Variants in FUCA2 observed in about 807,000 individuals in gnomAD.
The protein encoded by FUCA2 is plasma alpha-L-fucosidase.
A neutral mutation model predicts 52.6 loss-of-function variants in FUCA2; 41 were observed. The observed-to-expected ratio is 0.78, with a 90% CI of 0.61 to 1.01. The LOEUF (loss-of-function observed/expected upper bound fraction) is 1.01, where lower values mean the gene tolerates loss of function less well. Among genes scored for constraint, FUCA2 ranks in the 50% least tolerant of loss-of-function variants. FUCA2 has a pLI of 0.00. For synonymous variants in FUCA2, 211 were observed against 217.3 expected, an observed-to-expected ratio of 0.97 and a Z score of 0.26; for missense variants, 507 against 569.5, an observed-to-expected ratio of 0.89 and a Z score of 1.12.
rs569282706 is a variant in FUCA2 at position 143,499,153 on chromosome 6, G to A, written c.1155-1656C>T. 6.6e-6 allele frequency among the ~76,000 whole-genome samples: 1 copy of A among 152,314 alleles called. No homozygotes were observed. The highest frequency in any genetic ancestry group is 1.9e-4 in the East Asian group (1 of 5,188). Reference sequence around the variant, plus strand: ...TGCTATGCATCTAAGTGGAAATGCTGAGTAGGAAGTTATTGAGGCTGGAGT... The same window carrying A: ...TGCTATGCATCTAAGTGGAAATGCTAAGTAGGAAGTTATTGAGGCTGGAGT... On this transcript the variant is annotated intron_variant, in intron 5 of 6. Coordinates refer to ENST00000002165, the MANE Select transcript of FUCA2 (RefSeq NM_032020.5). This position sits in a 1 kb window ranked among gnomAD's most constrained non-coding sequence, Gnocchi z 6.0.
rs1584023811 is a variant in FUCA2, at chr6:143,495,630, C to T, written c.*77G>A. 2.2e-6 allele frequency: 3 copies of T among 1,394,132 alleles called. No homozygotes were observed. In the East Asian group the frequency reaches 7.1e-5, roughly 33 times the overall value. The allele number at this position is 1,394,132 out of a possible 1,614,324, so 86.4% of individuals were successfully genotyped here. ...TTATCCAGTTTTACATTTGCTTTCT[C>T]CATGTGCTACAATTATAGACACCTG... On this transcript the variant is annotated 3_prime_UTR_variant, in exon 7 of 7. Transcript: ENST00000002165. The surrounding 1 kb of genome is among the most constrained non-coding windows in gnomAD (Gnocchi z 5.2).
At position 143,502,879 on chromosome 6, in the gene FUCA2, G is replaced by C. The variant is rs149110530; in HGVS notation, c.753-314C>G. 1.7e-3 allele frequency: 365 copies of C among 212,592 alleles called. 8 individuals carry two copies. The East Asian group carries it at 0.035, about 20-fold the overall frequency. The allele number at this position is 212,592 out of a possible 1,614,324, so 13.2% of individuals were successfully genotyped here. The stretch of plus-strand genomic sequence containing the variant: ...CCCAGCACATATAGCACTCATAAGA[G>C]TATTATATGAATATTTTAAGCTCCC... On this transcript the variant is annotated intron_variant, in intron 3 of 6. Transcript: ENST00000002165. The surrounding 1 kb of genome is among the most constrained non-coding windows in gnomAD (Gnocchi z 4.1).
At chr6:143,496,929 T>A (rs1490699959) in intron 6 of FUCA2, 1 of 152,698 alleles carries the variant, frequency 6.5e-6, no homozygotes, top group Non-Finnish European at 1.5e-5. Flanking sequence ...AAACAAAAAG[T>A]TTCAAAGATT....
chr6:143,505,888 G>A (rs889316850), intron 2 of FUCA2: 81 of 152,170 alleles, frequency 5.3e-4, no homozygotes, highest in African/African-American at 1.8e-3. Context: ...ATGTATACAT[G>A]TGGGCTACAT....
intron 2 of FUCA2, chr6:143,505,048 G>A (rs568453606): frequency 5.9e-5 from 9 of 152,132 alleles, no homozygotes; most frequent in Middle Eastern, 3.4e-3. Flanking sequence ...GAAGTGGTTC[G>A]TTTTTAAGAG....
Position 143,499,193 on chromosome 6 carries a change from G to A in FUCA2, c.1155-1696C>T, listed in dbSNP as rs1584025676. 6.6e-6 allele frequency among the ~76,000 whole-genome samples: 1 copy of A among 152,188 alleles called. No individual in the cohort carries two copies. Among genetic ancestry groups the A allele is most frequent in the African/African-American group, 2.4e-5 (1 of 41,438 alleles). On this transcript the variant is annotated intron_variant, in intron 5 of 6. Coordinates refer to ENST00000002165, the MANE Select transcript of FUCA2 (RefSeq NM_032020.5). This position sits in a 1 kb window ranked among gnomAD's most constrained non-coding sequence, Gnocchi z 6.0. ...GAGGCTGGAGTTCGGAAAGAGGTCT[G>A]CACTGGAAATAGAAATGTGGAGATC...
In FUCA2 at chr6:143,502,591, A is replaced by G. The variant is rs756946564; in HGVS notation, c.753-26T>C. 6.3e-7 allele frequency: 1 copy of G among 1,578,412 alleles called. No individual in the cohort carries two copies. Among genetic ancestry groups the G allele is most frequent in the South Asian group, 1.1e-5 (1 of 87,394 alleles). On this transcript the variant is annotated intron_variant, in intron 3 of 6. Transcript: ENST00000002165. This position sits in a 1 kb window ranked among gnomAD's most constrained non-coding sequence, Gnocchi z 4.1. ...CTGAAATGAAACATACAATTTTTTAAAACAAAAGGTATAAGCTTTTTATAC... is the reference window on the plus strand; with the variant it reads ...CTGAAATGAAACATACAATTTTTTAGAACAAAAGGTATAAGCTTTTTATAC...
chr6:143,511,151 A>G lies in FUCA2; in HGVS notation c.224+260T>C, dbSNP rs1476330879. ...CTACAGCTTAATATGCGCAACTATGAAGAAGCTGAGGAGTCAGGAGTATCT... is the reference window on the plus strand; with the variant it reads ...CTACAGCTTAATATGCGCAACTATGGAGAAGCTGAGGAGTCAGGAGTATCT... On this transcript the variant is annotated intron_variant, in intron 1 of 6. Coordinates refer to ENST00000002165, the MANE Select transcript of FUCA2 (RefSeq NM_032020.5). The surrounding 1 kb of genome is among the most constrained non-coding windows in gnomAD (Gnocchi z 6.3). Among the ~76,000 whole-genome samples, 22 of 152,202 alleles carry G rather than the reference A, an allele frequency of 1.4e-4. No homozygotes were observed. The highest frequency in any genetic ancestry group is 1.4e-3 in the Admixed American group (21 of 15,286).
chr6:143,504,408 A>G lies in FUCA2; in HGVS notation c.413-156T>C. On this transcript the variant is annotated intron_variant, in intron 2 of 6. Coordinates refer to ENST00000002165, the MANE Select transcript of FUCA2 (RefSeq NM_032020.5). The surrounding 1 kb of genome is among the most constrained non-coding windows in gnomAD (Gnocchi z 4.4). ...TTATGGCCATTTTTTCATAGCATATATTGTGCTTTTATATGAGAAGTGAGA... is the reference window on the plus strand; with the variant it reads ...TTATGGCCATTTTTTCATAGCATATGTTGTGCTTTTATATGAGAAGTGAGA... 7.6e-6 allele frequency: 5 copies of G among 661,812 alleles called. No individual in the cohort carries two copies. Among genetic ancestry groups the G allele is most frequent in the Non-Finnish European group, 1.0e-5 (4 of 396,140 alleles). 41.0% of individuals were successfully genotyped at this position (661,812 alleles called of 1,614,324 possible).
chr6:143,510,656 A>C lies in FUCA2; in HGVS notation c.224+755T>G, dbSNP rs1780670559. 6.6e-6 allele frequency among the ~76,000 whole-genome samples: 1 copy of C among 151,674 alleles called. No individual in the cohort carries two copies. Among genetic ancestry groups the C allele is most frequent in the Non-Finnish European group, 1.5e-5 (1 of 67,958 alleles). ...TATGTCTCAAAAAAAAAAAAAAAAG[A>C]ATATATTATGTGTATGTTTCTATAT... On this transcript the variant is annotated intron_variant, in intron 1 of 6. Coordinates refer to ENST00000002165, the MANE Select transcript of FUCA2 (RefSeq NM_032020.5). The surrounding 1 kb of genome is among the most constrained non-coding windows in gnomAD (Gnocchi z 4.4).
Position 143,502,256 on chromosome 6 carries a change from T to G in FUCA2, c.963+99A>C. 3.7e-6 allele frequency: 5 copies of G among 1,347,608 alleles called. No homozygotes were observed. Among genetic ancestry groups the G allele is most frequent in the African/African-American group, 1.5e-5 (1 of 68,780 alleles). 83.5% of individuals were successfully genotyped at this position (1,347,608 alleles called of 1,614,324 possible). ...AGAACAAACACAGGATAGAACAATG[T>G]CCTATATTTATAGGCCATTGAGCCA... On this transcript the variant is annotated intron_variant, in intron 4 of 6. Transcript: ENST00000002165. This position sits in a 1 kb window ranked among gnomAD's most constrained non-coding sequence, Gnocchi z 4.1.
rs1009690758 is a variant in FUCA2 at position 143,495,957 on chromosome 6, T to C, written c.1264-110A>G. The C allele has an allele frequency of 4.6e-6, 5 of 1,077,788 alleles. No homozygotes were observed. The highest frequency in any genetic ancestry group is 5.4e-6 in the Non-Finnish European group (4 of 740,030). 66.8% of individuals were successfully genotyped at this position (1,077,788 alleles called of 1,614,324 possible). ...TTCAAACAAAATTGTAGACAAGAGG[T>C]TCATTTTTACCTTTATTTAGTGATT... On this transcript the variant is annotated intron_variant, in intron 6 of 6. Transcript: ENST00000002165. This position sits in a 1 kb window ranked among gnomAD's most constrained non-coding sequence, Gnocchi z 5.2.
At position 143,495,991 on chromosome 6, in the gene FUCA2, C is replaced by G. The variant is rs980808178; in HGVS notation, c.1264-144G>C. 5.3e-6 allele frequency: 4 copies of G among 751,160 alleles called. No homozygotes were observed. The highest frequency in any genetic ancestry group is 8.6e-6 in the Non-Finnish European group (4 of 465,418). The allele number at this position is 751,160 out of a possible 1,614,324, so 46.5% of individuals were successfully genotyped here. On this transcript the variant is annotated intron_variant, in intron 6 of 6. Transcript: ENST00000002165. This position sits in a 1 kb window ranked among gnomAD's most constrained non-coding sequence, Gnocchi z 5.2. ...ACCTTTATTTAGTGATTCACAATCA[C>G]TCTTCATCCAATTGAGTGTATGTAT... is the stretch of plus-strand genomic sequence containing the variant.
chr6:143,497,807 A>G lies in FUCA2; in HGVS notation c.1155-310T>C, dbSNP rs1257046190. Reference sequence around the variant, plus strand: ...GGATGCAAGAGCTTCATGGCTTTTCATGTATTATTCAAATTTTTATATTCA... The same window carrying G: ...GGATGCAAGAGCTTCATGGCTTTTCGTGTATTATTCAAATTTTTATATTCA... On this transcript the variant is annotated intron_variant, in intron 5 of 6. Transcript: ENST00000002165. The surrounding 1 kb of genome is among the most constrained non-coding windows in gnomAD (Gnocchi z 5.3). Among the ~76,000 whole-genome samples the G allele has an allele frequency of 2.0e-5, 3 of 152,204 alleles. No individual in the cohort carries two copies. Among genetic ancestry groups the G allele is most frequent in the African/African-American group, 7.2e-5 (3 of 41,440 alleles).
At position 143,511,097 on chromosome 6, in the gene FUCA2, T is replaced by C. The variant is rs1780676144; in HGVS notation, c.224+314A>G. Among the ~76,000 whole-genome samples, 1 of 152,196 alleles carries C rather than the reference T, an allele frequency of 6.6e-6. No individual in the cohort carries two copies. The highest frequency in any genetic ancestry group is 2.1e-4 in the South Asian group (1 of 4,828). On this transcript the variant is annotated intron_variant, in intron 1 of 6. Transcript: ENST00000002165. The surrounding 1 kb of genome is among the most constrained non-coding windows in gnomAD (Gnocchi z 6.3). ...GCCCCTGCACAAACTGATGAATGTC[T>C]GTAGTAGCTCGATGTTGTAGTGTCA...
In FUCA2 at chr6:143,504,346, T is replaced by A. The variant is rs9496648; in HGVS notation, c.413-94A>T. The A allele has an allele frequency of 2.0e-6, 2 of 1,016,516 alleles. No individual in the cohort carries two copies. Among genetic ancestry groups the A allele is most frequent in the African/African-American group, 3.2e-5 (2 of 62,100 alleles). 63.0% of individuals were successfully genotyped at this position (1,016,516 alleles called of 1,614,324 possible). A position where few individuals can be genotyped will look rare whatever the true frequency, so the allele number is the denominator to read the frequency against. ...ATGCCCAAACAAATCACATAGTACA[T>A]GCGATATATAAATACCTGCTCCTAC... On this transcript the variant is annotated intron_variant, in intron 2 of 6. Coordinates refer to ENST00000002165, the MANE Select transcript of FUCA2 (RefSeq NM_032020.5). This position sits in a 1 kb window ranked among gnomAD's most constrained non-coding sequence, Gnocchi z 4.4.
At position 143,502,636 on chromosome 6, in the gene FUCA2, A is replaced by G; in HGVS notation, c.753-71T>C. ...TTATACAAAAAGAAATGTCACTGAA[A>G]AGACATGTAATTGAAATACAATTCT... is the stretch of plus-strand genomic sequence containing the variant. On this transcript the variant is annotated intron_variant, in intron 3 of 6. Transcript: ENST00000002165. The surrounding 1 kb of genome is among the most constrained non-coding windows in gnomAD (Gnocchi z 4.1). The G allele has an allele frequency of 1.6e-6, 2 of 1,271,516 alleles. No homozygotes were observed. The highest frequency in any genetic ancestry group is 2.2e-6 in the Non-Finnish European group (2 of 899,620). 78.8% of individuals were successfully genotyped at this position (1,271,516 alleles called of 1,614,324 possible).
At position 143,504,486 on chromosome 6, in the gene FUCA2, G is replaced by C. The variant is rs140570564; in HGVS notation, c.413-234C>G. 6.5e-5 allele frequency: 32 copies of C among 492,954 alleles called. No individual in the cohort carries two copies. In the East Asian group the frequency reaches 1.1e-3, roughly 16 times the overall value. 30.5% of individuals were successfully genotyped at this position (492,954 alleles called of 1,614,324 possible). ...AAAGCAACTTTCAGGGTATATCACT[G>C]TACGGTCTGATCTATCTCCAGTATT... On this transcript the variant is annotated intron_variant, in intron 2 of 6. Transcript: ENST00000002165. The surrounding 1 kb of genome is among the most constrained non-coding windows in gnomAD (Gnocchi z 4.4).
At position 143,511,388 on chromosome 6, in the gene FUCA2, G is replaced by GGGACAAAAGCGCGGCAGACC; in HGVS notation, c.224+22_224+23insGGTCTGCCGCGCTTTTGTCC. On this transcript the variant is annotated intron_variant, in intron 1 of 6. Coordinates refer to ENST00000002165, the MANE Select transcript of FUCA2 (RefSeq NM_032020.5). This position sits in a 1 kb window ranked among gnomAD's most constrained non-coding sequence, Gnocchi z 6.3. ...GGGTGGGGACAAAAGCGCGGCAGAC[G>GGGACAAAAGCGCGGCAGACC]AGACAAAAGGGAGCGCACTCACCAG... 6.4e-7 allele frequency: 1 copy of GGGACAAAAGCGCGGCAGACC among 1,574,566 alleles called. No individual in the cohort carries two copies. Among genetic ancestry groups the GGGACAAAAGCGCGGCAGACC allele is most frequent in the Non-Finnish European group, 8.7e-7 (1 of 1,154,340 alleles).
Sources: allele counts gnomAD v4.1 joint callset (sites outside exome capture counted in the v4.1 genomes callset), GRCh38; gene constraint gnomAD v4.1.1; non-coding constraint Gnocchi (gnomAD v3.1); transcripts MANE v1.5; gene names NCBI Gene and HGNC (gene_info 2026-07-23, HGNC 2026-07-21).